The following UQCC6 variants were observed in gnomAD, a reference collection of about 807,000 sequenced individuals.
UQCC6 encodes protein BRAWNIN.
the UQCC6 span, chr12:103,955,895 A>T: frequency 2.3e-6 from 1 of 433,962 alleles, no homozygotes; most frequent in Non-Finnish European, 4.6e-6. Flanking sequence ...TATTAAAATT[A>T]ATTTAAATTT....
At chr12:103,957,935 ATATTT>A in the UQCC6 span, among the ~76,000 whole-genome samples, 6 of 131,268 alleles carry the variant, frequency 4.6e-5, no homozygotes, top group South Asian at 4.8e-4. Context: ...TATTTTATAC[ATATTT>A]TATATTATAT....
chr12:103,959,683 G>C, the UQCC6 span, among the ~76,000 whole-genome samples: 1 of 151,748 alleles, frequency 6.6e-6, no homozygotes. Context: ...CTGTACTCCA[G>C]CCTGGGTGAC....
chr12:103,956,426 G>A, the UQCC6 span: 1 of 538,450 alleles, frequency 1.9e-6, no homozygotes. Flanking sequence ...CATTGCCCTA[G>A]ATGCAATGGG....
At chr12:103,951,554 GGTTTGTGTTTTCTTTCTTTCA>G in the UQCC6 span, 4 of 1,547,762 alleles carry the variant, frequency 2.6e-6, no homozygotes, top group Non-Finnish European at 3.5e-6. Context: ...AGAAACTTGA[GGTTTGTGTTTTCTTTCTTTCA>G]GTCCCAAAAG....
chr12:103,958,932 T>C, the UQCC6 span, among the ~76,000 whole-genome samples: 4 of 152,186 alleles, frequency 2.6e-5, no homozygotes, highest in Non-Finnish European at 5.9e-5. Context: ...TTGATTAATT[T>C]GCCCTTTATT....
the UQCC6 span, among the ~76,000 whole-genome samples, chr12:103,957,992 A>G: frequency 7.1e-6 from 1 of 140,074 alleles, no homozygotes. Flanking sequence ...ATATTTATAT[A>G]TTTATAATAT....
At chr12:103,953,813 T>C in the UQCC6 span, among the ~76,000 whole-genome samples, 2 of 152,184 alleles carry the variant, frequency 1.3e-5, no homozygotes, top group Non-Finnish European at 2.9e-5. Flanking sequence ...CCCTTGCACA[T>C]TCCCAATTAT....
At chr12:103,960,375 A>G in the UQCC6 span, among the ~76,000 whole-genome samples, 2 of 152,164 alleles carry the variant, frequency 1.3e-5, no homozygotes, top group Non-Finnish European at 2.9e-5. Context: ...CACCCGGCCA[A>G]TCTGTACCAT....
chr12:103,953,560 C>T, the UQCC6 span: 1 of 702,344 alleles, frequency 1.4e-6, no homozygotes, highest in Non-Finnish European at 2.6e-6. Flanking sequence ...TGGTTGACAA[C>T]AGTGACAGTA....
chr12:103,958,834 A>G, the UQCC6 span, among the ~76,000 whole-genome samples: 8 of 152,374 alleles, frequency 5.3e-5, no homozygotes, highest in East Asian at 1.3e-3. Flanking sequence ...CTGTTCTCAG[A>G]TTATATATTA....
the UQCC6 span, chr12:103,951,549 C>T: frequency 6.5e-7 from 1 of 1,546,750 alleles, no homozygotes; most frequent in Non-Finnish European, 8.7e-7. Context: ...TGTTGAGAAA[C>T]TTGAGGTTTG....
chr12:103,958,210 C>T, the UQCC6 span, among the ~76,000 whole-genome samples: 1 of 142,844 alleles, frequency 7.0e-6, no homozygotes, highest in African/African-American at 2.6e-5. Flanking sequence ...AGCAAGACTC[C>T]GTCTCAAAAA....
chr12:103,965,056 A>C, the UQCC6 span, among the ~76,000 whole-genome samples: 1 of 152,228 alleles, frequency 6.6e-6, no homozygotes, highest in Non-Finnish European at 1.5e-5. Flanking sequence ...CTATATGAAT[A>C]AACTCAGGAA....
At chr12:103,950,437 G>A in the UQCC6 span, 25,844 of 152,192 alleles carry the variant, frequency 0.17, 2,886 homozygotes, top group East Asian at 0.52. Context: ...CACCACTCAC[G>A]TGCTGAAGTG....
At chr12:103,965,613 A>T in the UQCC6 span, 1 of 188,744 alleles carries the variant, frequency 5.3e-6, no homozygotes, top group South Asian at 1.8e-4. Flanking sequence ...ACAGCACCCC[A>T]AGGACAGCAC....
the UQCC6 span, among the ~76,000 whole-genome samples, chr12:103,957,456 GCACA>G: frequency 6.6e-6 from 1 of 152,110 alleles, no homozygotes; most frequent in Admixed American, 6.6e-5. Flanking sequence ...GTTCTTTCGT[GCACA>G]CAAAGGAAAC....
the UQCC6 span, among the ~76,000 whole-genome samples, chr12:103,962,718 G>C: frequency 6.6e-6 from 1 of 152,366 alleles, no homozygotes; most frequent in Non-Finnish European, 1.5e-5. Context: ...ATAATTAGAA[G>C]TGGGTATAAA....
the UQCC6 span, chr12:103,954,734 T>A: frequency 1.9e-6 from 1 of 516,088 alleles, no homozygotes; most frequent in Non-Finnish European, 3.4e-6. Context: ...GAAACAGTAG[T>A]TAACGTGTCG....
chr12:103,961,537 TTTG>T, the UQCC6 span, among the ~76,000 whole-genome samples: 50,144 of 150,384 alleles, frequency 0.33, 8,763 homozygotes, highest in Non-Finnish European at 0.38. Context: ...ACTGTTTGGT[TTTG>T]TTGTTGTTGT....
Sources: gnomAD v4.1 joint callset for allele counts (sites outside exome capture counted in the v4.1 genomes callset) on GRCh38, gnomAD v4.1.1 for gene constraint, MANE v1.5 for transcripts, NCBI Gene and HGNC (gene_info 2026-07-23, HGNC 2026-07-21) for gene names.